The following GALNTL6 variants were observed in gnomAD, a reference collection of about 807,000 sequenced individuals.
GALNTL6 encodes polypeptide N-acetylgalactosaminyltransferase-like 6.
Under a neutral mutation model 73.7 loss-of-function variants are expected in GALNTL6, and 46 were observed. The observed-to-expected ratio is 0.62, with a 90% confidence interval of 0.49 to 0.80. GALNTL6 has a LOEUF of 0.80. Among genes scored for constraint, GALNTL6 ranks in the 30% least tolerant of loss-of-function variants. The probability of loss-of-function intolerance (pLI) is 0.00; values close to 1 mark genes in which losing one functional copy is unlikely to be tolerated. For missense variants in GALNTL6, 604 were observed against 755.0 expected (o/e 0.80, Z 2.34); for synonymous variants, 259 against 263.7 (o/e 0.98, Z 0.17).
intron 2 of GALNTL6, among the ~76,000 whole-genome samples, chr4:172,195,964 C>T (rs1735750659): frequency 1.4e-5 from 2 of 139,286 alleles, no homozygotes; most frequent in Non-Finnish European, 3.1e-5. Context: ...GAAACAGAGA[C>T]ACAAAAAACC....
At position 172,446,171 on chromosome 4, in the gene GALNTL6, A is replaced by G. The variant is rs552998407; in HGVS notation, c.553+97482A>G. Among the ~76,000 whole-genome samples, 5 of 152,320 alleles carry G rather than the reference A, an allele frequency of 3.3e-5. No individual in the cohort carries two copies. The South Asian group carries it at 1.0e-3, about 32-fold the overall frequency. Reference sequence around the variant, plus strand: ...ATACATAATCTCACTTTATCTTAATATTATCCCAAAGAAGTAGGTATTACC... The same window carrying G: ...ATACATAATCTCACTTTATCTTAATGTTATCCCAAAGAAGTAGGTATTACC... On this transcript the variant is annotated intron_variant, in intron 5 of 12. Transcript: ENST00000506823.
At chr4:171,878,580 A>G (rs1021631188) in intron 2 of GALNTL6, among the ~76,000 whole-genome samples, 3 of 152,110 alleles carry the variant, frequency 2.0e-5, no homozygotes, top group African/African-American at 7.2e-5. Context: ...CTTCATGTAT[A>G]TTATTTTTTT....
chr4:172,297,828 A>G (rs546169545), intron 3 of GALNTL6, among the ~76,000 whole-genome samples: 1 of 152,076 alleles, frequency 6.6e-6, no homozygotes, highest in Admixed American at 6.6e-5. Flanking sequence ...TTGACTTGGC[A>G]ATGTGGGCTC....
intron 5 of GALNTL6, among the ~76,000 whole-genome samples, chr4:172,497,919 A>T (rs1031485022): frequency 1.3e-5 from 2 of 152,022 alleles, no homozygotes; most frequent in African/African-American, 4.8e-5. Context: ...CATCCCCAAC[A>T]GCCAAAATAT....
At chr4:172,046,934 G>A (rs1225393274) in intron 2 of GALNTL6, among the ~76,000 whole-genome samples, 1 of 151,992 alleles carries the variant, frequency 6.6e-6, no homozygotes, top group Non-Finnish European at 1.5e-5. Flanking sequence ...TTTGTGTTAT[G>A]TATTTACTTT....
chr4:172,138,548 G>A (rs1579175335), intron 2 of GALNTL6, among the ~76,000 whole-genome samples: 1 of 15,206 alleles, frequency 6.6e-5, no homozygotes, highest in East Asian at 1.8e-3. Flanking sequence ...TTTTTTTTTT[G>A]AGACGCAATC....
intron 4 of GALNTL6, among the ~76,000 whole-genome samples, chr4:172,333,370 A>T (rs912402484): frequency 6.6e-6 from 1 of 152,204 alleles, no homozygotes; most frequent in Non-Finnish European, 1.5e-5. Flanking sequence ...GTGCAATTGC[A>T]TTCCAGCCTA....
chr4:172,332,116 T>C (rs1191574984), intron 4 of GALNTL6, among the ~76,000 whole-genome samples: 1 of 152,152 alleles, frequency 6.6e-6, no homozygotes, highest in African/African-American at 2.4e-5. Context: ...TTTTACTAAT[T>C]AGAGGTGTTG....
At chr4:172,923,237 G>C (rs781413059) in intron 8 of GALNTL6, among the ~76,000 whole-genome samples, 5 of 152,156 alleles carry the variant, frequency 3.3e-5, no homozygotes, top group Admixed American at 6.5e-5. Context: ...CAGCTGGGAA[G>C]GTCTCAGGAT....
At chr4:172,797,378 C>T (rs565511751) in intron 5 of GALNTL6, among the ~76,000 whole-genome samples, 1 of 152,148 alleles carries the variant, frequency 6.6e-6, no homozygotes, top group East Asian at 1.9e-4. Context: ...TCCCGAGTAG[C>T]TGGGACTAGG....
chr4:172,700,264 G>A (rs936503400), intron 5 of GALNTL6, among the ~76,000 whole-genome samples: 1 of 152,064 alleles, frequency 6.6e-6, no homozygotes, highest in Non-Finnish European at 1.5e-5. Context: ...TCCTTTAAAT[G>A]TGATGACAAT....
chr4:171,919,422 G>A (rs757126456), intron 2 of GALNTL6, among the ~76,000 whole-genome samples: 1 of 152,064 alleles, frequency 6.6e-6, no homozygotes, highest in Non-Finnish European at 1.5e-5. Context: ...GTATGGGTCA[G>A]AGTTACCCTA....
At chr4:172,418,521 A>G (rs546302831) in intron 5 of GALNTL6, among the ~76,000 whole-genome samples, 123 of 152,288 alleles carry the variant, frequency 8.1e-4, no homozygotes, top group African/African-American at 2.9e-3. Context: ...TGGGGAACCA[A>G]GCCAAGTCAA....
intron 2 of GALNTL6, among the ~76,000 whole-genome samples, chr4:171,967,431 T>A (rs1662247244): frequency 6.9e-6 from 1 of 145,430 alleles, no homozygotes; most frequent in South Asian, 2.2e-4. Context: ...TGATTGTAGT[T>A]TTCTTCCCCC....
intron 7 of GALNTL6, among the ~76,000 whole-genome samples, chr4:172,842,879 G>A (rs1225647375): frequency 6.6e-6 from 1 of 152,074 alleles, no homozygotes; most frequent in Non-Finnish European, 1.5e-5. Flanking sequence ...AGCCGTGAGG[G>A]AACAGCGGCT....
intron 2 of GALNTL6, among the ~76,000 whole-genome samples, chr4:172,027,904 A>G (rs1256739192): frequency 1.3e-5 from 2 of 152,166 alleles, no homozygotes; most frequent in African/African-American, 4.8e-5. Context: ...CTGCAGGACA[A>G]AAGTATGGAG....
chr4:172,309,391 A>G (rs1297261444), intron 3 of GALNTL6, among the ~76,000 whole-genome samples: 1 of 145,714 alleles, frequency 6.9e-6, no homozygotes, highest in African/African-American at 2.5e-5. Context: ...AGTGAAAAAT[A>G]TAAAAATCTC....
intron 2 of GALNTL6, among the ~76,000 whole-genome samples, chr4:172,058,438 T>C (rs776896840): frequency 7.9e-5 from 12 of 152,172 alleles, no homozygotes; most frequent in Non-Finnish European, 1.6e-4. Flanking sequence ...TTTGATTCAA[T>C]TTTGTTTCCA....
chr4:172,713,733 A>G (rs991541550), intron 5 of GALNTL6, among the ~76,000 whole-genome samples: 3 of 152,150 alleles, frequency 2.0e-5, no homozygotes, highest in Admixed American at 6.6e-5. Context: ...TAATTAGTCA[A>G]CAAAGCCTGA....
Sources: allele counts gnomAD v4.1 joint callset (sites outside exome capture counted in the v4.1 genomes callset), GRCh38; gene constraint gnomAD v4.1.1; transcripts MANE v1.5; gene names NCBI Gene and HGNC (gene_info 2026-07-23, HGNC 2026-07-21).